The following RABEP1 variants were observed in gnomAD, a reference collection of about 807,000 sequenced individuals.
The protein encoded by RABEP1 is rabaptin, RAB GTPase binding effector protein 1, also known as rab GTPase-binding effector protein 1.
RABEP1 carries 51 observed loss-of-function variants against 123.4 expected under a neutral mutation model. The ratio of observed to expected loss-of-function variants is 0.41; its 90% CI spans 0.33 to 0.52. RABEP1 has a LOEUF of 0.52. Ranked by LOEUF, RABEP1 falls within the 20% of genes least tolerant of loss-of-function variation. The pLI is 0.16. For synonymous variants in RABEP1, 347 were observed against 355.2 expected, an observed-to-expected ratio of 0.98 and a Z score of 0.26; for missense variants, 888 against 996.3, an observed-to-expected ratio of 0.89 and a Z score of 1.46.
intron 1 of RABEP1, among the ~76,000 whole-genome samples, chr17:5,284,402 G>A (rs1371290824): frequency 1.3e-5 from 2 of 152,086 alleles, no homozygotes; most frequent in African/African-American, 4.8e-5. Flanking sequence ...CAGTAGGAGA[G>A]AGATAATTTG....
At chr17:5,379,804 T>C (rs1482785254) in intron 15 of RABEP1, among the ~76,000 whole-genome samples, 1 of 152,148 alleles carries the variant, frequency 6.6e-6, no homozygotes, top group African/African-American at 2.4e-5. Context: ...TGGAAAGCCC[T>C]CCCGTAGTTC....
chr17:5,362,966 G>A lies in RABEP1; in HGVS notation c.1618G>A (p.Glu540Lys), dbSNP rs778353784. Residue 540 changes from glutamate (E) to lysine (K), a missense_variant, in exon 10 of 18, where the codon GAA becomes AAA. Transcript: ENST00000537505. ...GRRCDMCSNY[E>K]KQLQGIQIQE... ...ACGTTGTGATATGTGTTCCAATTACGAAAAACAGTTACAAGGAATTCAGAT... is the reference window on the plus strand; with the variant it reads ...ACGTTGTGATATGTGTTCCAATTACAAAAAACAGTTACAAGGAATTCAGAT... 2.7e-5 allele frequency: 43 copies of A among 1,613,916 alleles called. No homozygotes were observed. Among genetic ancestry groups the A allele is most frequent in the Admixed American group, 6.7e-5 (4 of 59,996 alleles).
At chr17:5,305,677 G>C (rs1295008403) in intron 1 of RABEP1, among the ~76,000 whole-genome samples, 1 of 152,068 alleles carries the variant, frequency 6.6e-6, no homozygotes, top group Non-Finnish European at 1.5e-5. Context: ...GTACTAATCA[G>C]TAGCTACCAG....
At position 5,377,286 on chromosome 17, in the gene RABEP1, A is replaced by G; in HGVS notation, c.2196A>G (p.Glu732=). 6.3e-7 allele frequency: 1 copy of G among 1,586,928 alleles called. No homozygotes were observed. The highest frequency in any genetic ancestry group is 8.5e-7 in the Non-Finnish European group (1 of 1,173,476). ...AAGAAACTCTGCAACTAGAAATAGAAAACTGCAAGGAGGAAATAGGTGAAG... is the reference window on the plus strand; with the variant it reads ...AAGAAACTCTGCAACTAGAAATAGAGAACTGCAAGGAGGAAATAGGTGAAG... ...NLEETLQLEI[E]NCKEEIASIS... Residue 732 remains glutamate (E), a synonymous_variant, in exon 14 of 18, where the codon GAA becomes GAG. Transcript: ENST00000537505.
At chr17:5,288,572 T>A (rs2075001591) in intron 1 of RABEP1, among the ~76,000 whole-genome samples, 1 of 151,718 alleles carries the variant, frequency 6.6e-6, no homozygotes. Flanking sequence ...ATTTTATATT[T>A]TTAGTAGAGA....
At chr17:5,375,882 A>G (rs1399811080) in intron 13 of RABEP1, among the ~76,000 whole-genome samples, 1 of 149,914 alleles carries the variant, frequency 6.7e-6, no homozygotes, top group Non-Finnish European at 1.5e-5. Context: ...TTATTTATTT[A>G]TTTATTTTGA....
At chr17:5,339,107 G>C (rs780200542) in intron 5 of RABEP1, among the ~76,000 whole-genome samples, 7 of 151,920 alleles carry the variant, frequency 4.6e-5, no homozygotes, top group Non-Finnish European at 8.8e-5. Flanking sequence ...CAGTGAACTG[G>C]CACTCCAGAC....
intron 5 of RABEP1, among the ~76,000 whole-genome samples, chr17:5,343,251 AAAAT>A (rs960067263): frequency 1.3e-5 from 2 of 152,130 alleles, no homozygotes; most frequent in Non-Finnish European, 2.9e-5. Context: ...ACTCCGTCTC[AAAAT>A]AAATAAATTA....
chr17:5,308,228 C>CTTT (rs34390571), intron 1 of RABEP1, among the ~76,000 whole-genome samples: 5 of 140,182 alleles, frequency 3.6e-5, no homozygotes, highest in Non-Finnish European at 4.6e-5. Flanking sequence ...ATACAAGGAT[C>CTTT]TTTTTTTTTT....
intron 15 of RABEP1, chr17:5,378,485 A>G (rs1911183358): frequency 5.3e-6 from 3 of 566,138 alleles, no homozygotes; most frequent in African/African-American, 1.9e-5. Context: ...CAGTGTAGTG[A>G]GAAGATAGGC....
In RABEP1 at chr17:5,350,482, A is replaced by C. The variant is rs768351487; in HGVS notation, c.816A>C (p.Gln272His). The C allele has an allele frequency of 2.7e-5, 44 of 1,613,970 alleles. No homozygotes were observed. Among genetic ancestry groups the C allele is most frequent in the Non-Finnish European group, 3.6e-5 (42 of 1,179,994 alleles). The change falls in exon 7 of 18, where the codon CAA becomes CAC. Residue 272 changes from glutamine (Q) to histidine (H), a missense_variant. Gln to His is a conservative substitution (Grantham distance 24). Transcript: ENST00000537505. ...ATCTCTTGGAGCAAGAGCGACAACAACACAACCAGTTAAAACATACGTGGC... is the reference window on the plus strand; with the variant it reads ...ATCTCTTGGAGCAAGAGCGACAACACCACAACCAGTTAAAACATACGTGGC... ...VCHLLEQERQ[Q>H]HNQLKHTWQK...
chr17:5,282,841 C>T (rs904818440), intron 1 of RABEP1, among the ~76,000 whole-genome samples: 15 of 151,750 alleles, frequency 9.9e-5, no homozygotes, highest in Admixed American at 5.3e-4. Flanking sequence ...CACGTGGGTT[C>T]TGCCCGTGGG....
At chr17:5,298,716 C>T (rs7215167) in intron 1 of RABEP1, among the ~76,000 whole-genome samples, 78,156 of 149,428 alleles carry the variant, frequency 0.52, 21,317 homozygotes, top group East Asian at 0.96. Context: ...AGTGCAGTAG[C>T]GAGATCTCAG....
chr17:5,285,554 A>G (rs1267304753), intron 1 of RABEP1, among the ~76,000 whole-genome samples: 1 of 152,132 alleles, frequency 6.6e-6, no homozygotes, highest in Non-Finnish European at 1.5e-5. Flanking sequence ...TAAGTCTGCA[A>G]CTTCCCTATC....
intron 15 of RABEP1, among the ~76,000 whole-genome samples, chr17:5,379,002 C>T (rs1911227173): frequency 6.6e-6 from 1 of 152,194 alleles, no homozygotes; most frequent in Admixed American, 6.5e-5. Flanking sequence ...TTGCTGTCCC[C>T]AGCTGCTGAT....
intron 13 of RABEP1, among the ~76,000 whole-genome samples, chr17:5,376,029 T>C (rs1910965048): frequency 6.6e-6 from 1 of 152,132 alleles, no homozygotes; most frequent in South Asian, 2.1e-4. Flanking sequence ...TGTGCCACCA[T>C]GTCTGGCTAC....
chr17:5,324,015 C>G (rs889939360), intron 2 of RABEP1, among the ~76,000 whole-genome samples: 3 of 151,508 alleles, frequency 2.0e-5, no homozygotes, highest in African/African-American at 7.3e-5. Flanking sequence ...CAATACTATC[C>G]AAAGCAATTT....
intron 10 of RABEP1, 135 bp downstream of exon 10, chr17:5,363,151 T>G: frequency 1.5e-6 from 1 of 662,324 alleles, no homozygotes; most frequent in Non-Finnish European, 2.7e-6. Context: ...TGAAATAACC[T>G]GGTACATGCA....
chr17:5,361,236 T>C lies in RABEP1; in HGVS notation c.1124T>C (p.Val375Ala). The C allele has an allele frequency of 6.2e-7, 1 of 1,614,208 alleles. No homozygotes were observed. Among genetic ancestry groups the C allele is most frequent in the Non-Finnish European group, 8.5e-7 (1 of 1,180,026 alleles). The change falls in exon 9 of 18, where the codon GTT becomes GCT. Residue 375 changes from valine to alanine, a missense_variant. Coordinates refer to ENST00000537505, the MANE Select transcript of RABEP1 (RefSeq NM_004703.6). ...EEHLDSTRGS[V>A]HSLDAGLLLP... Reference sequence around the variant, plus strand: ...CATTTAGACAGCACCCGTGGCTCAGTTCATTCCTTAGATGCAGGCTTGCTG... The same window carrying C: ...CATTTAGACAGCACCCGTGGCTCAGCTCATTCCTTAGATGCAGGCTTGCTG...
Sources: gnomAD v4.1 joint callset for allele counts (sites outside exome capture counted in the v4.1 genomes callset) on GRCh38, gnomAD v4.1.1 for gene constraint, MANE v1.5 for transcripts, NCBI Gene and HGNC (gene_info 2026-07-23, HGNC 2026-07-21) for gene names.